FEZ2: variants seen among roughly 807,000 people sequenced by gnomAD.
FEZ2 encodes fasciculation and elongation protein zeta-2.
A neutral mutation model predicts 40.4 loss-of-function variants in FEZ2; 51 were observed. That is an observed-to-expected ratio of 1.26 (90% CI 1.01 to 1.59). The LOEUF is 1.59. FEZ2 is among the 40% of genes most tolerant of loss of function. FEZ2 has a pLI of 0.00. For missense variants in FEZ2, 640 were observed against 438.3 expected (o/e 1.46, Z -4.11); for synonymous variants, 242 against 172.0 (o/e 1.41, Z -3.18).
chr2:36,581,147 T>TCAACAA (rs60717240), intron 4 of FEZ2, 143 bp downstream of exon 4: 1 of 829,692 alleles, frequency 1.2e-6, no homozygotes, highest in East Asian at 2.6e-5. Context: ...AAATCCCGTC[T>TCAACAA]CAACAACAAC....
At chr2:36,560,902 A>G in intron 5 of FEZ2, 1 of 1,341,336 alleles carries the variant, frequency 7.5e-7, no homozygotes, top group Non-Finnish European at 1.1e-6. Flanking sequence ...AGAAAAGGAC[A>G]GAGAAAGAAG....
At chr2:36,587,843 G>A (rs1031698939) in intron 2 of FEZ2, among the ~76,000 whole-genome samples, 1 of 151,998 alleles carries the variant, frequency 6.6e-6, no homozygotes, top group African/African-American at 2.4e-5. Context: ...ATGACGTGAT[G>A]ACTTCTTACA....
intron 2 of FEZ2, among the ~76,000 whole-genome samples, chr2:36,589,421 G>C (rs1359721930): frequency 3.9e-5 from 6 of 152,222 alleles, no homozygotes; most frequent in African/African-American, 1.4e-4. Context: ...CCATCTGTCA[G>C]AGATGCTGGA....
intron 5 of FEZ2, 153 bp from the exon 6 acceptor site, chr2:36,558,666 T>C: frequency 4.6e-6 from 2 of 437,534 alleles, no homozygotes; most frequent in East Asian, 6.8e-5. Context: ...TAAAGTTATC[T>C]TACTATCTCA....
intron 5 of FEZ2, among the ~76,000 whole-genome samples, chr2:36,562,899 C>T (rs1668129373): frequency 6.6e-6 from 1 of 152,070 alleles, no homozygotes; most frequent in Non-Finnish European, 1.5e-5. Flanking sequence ...TATTACCTGG[C>T]TCCATTATCT....
intron 1 of FEZ2, among the ~76,000 whole-genome samples, chr2:36,592,984 A>G (rs1669113057): frequency 1.3e-5 from 2 of 152,206 alleles, no homozygotes; most frequent in Admixed American, 1.3e-4. Flanking sequence ...GTAGAATTAG[A>G]GGCAATGTCT....
intron 5 of FEZ2, among the ~76,000 whole-genome samples, chr2:36,573,001 T>C (rs1000531578): frequency 1.3e-5 from 2 of 152,226 alleles, no homozygotes; most frequent in African/African-American, 4.8e-5. Flanking sequence ...TTTTCTTTTC[T>C]CTACTACCGT....
intron 6 of FEZ2, chr2:36,556,838 T>A (rs552915361): frequency 6.6e-6 from 1 of 152,324 alleles, no homozygotes; most frequent in East Asian, 1.9e-4. Context: ...CAAAATCCCC[T>A]AATAGCTTTT....
At chr2:36,581,224 GATCATACTA>G in intron 4 of FEZ2, 57 bp downstream of exon 4, 1 of 1,394,268 alleles carries the variant, frequency 7.2e-7, no homozygotes, top group Non-Finnish European at 1.0e-6. Context: ...TTCTGGAGAT[GATCATACTA>G]TACATTTGAT....
At chr2:36,578,922 A>C (rs1384718543) in intron 4 of FEZ2, 57 bp from the exon 5 acceptor site, 2 of 1,461,500 alleles carry the variant, frequency 1.4e-6, no homozygotes, top group African/African-American at 1.4e-5. Flanking sequence ...CAAGGAAGCA[A>C]AACAGAGTAG....
intron 7 of FEZ2, among the ~76,000 whole-genome samples, chr2:36,554,552 A>C (rs1042350050): frequency 6.6e-6 from 1 of 152,186 alleles, no homozygotes. Flanking sequence ...GATGTCAGGT[A>C]TTAAAAAAAA....
chr2:36,558,518 C>G lies in FEZ2; in HGVS notation c.904-5G>C, dbSNP rs1403271229. The G allele has an allele frequency of 6.1e-6, 9 of 1,473,536 alleles. No homozygotes were observed. In the East Asian group the frequency reaches 2.3e-4, roughly 37 times the overall value. 91.3% of individuals were successfully genotyped at this position (1,473,536 alleles called of 1,614,324 possible). The stretch of plus-strand genomic sequence containing the variant: ...AGGAATGACTGTAGTCAAATACTGC[C>G]AAGTTTAAAAAAAAAAAGTGTCACT... On this transcript the variant is annotated splice_region_variant and splice_polypyrimidine_tract_variant and intron_variant, in intron 5 of 7. Coordinates refer to ENST00000405912, the MANE Select transcript of FEZ2 (RefSeq NM_005102.3).
At chr2:36,597,158 G>T (rs1573038204) in intron 1 of FEZ2, among the ~76,000 whole-genome samples, 1 of 151,978 alleles carries the variant, frequency 6.6e-6, no homozygotes, top group East Asian at 1.9e-4. Flanking sequence ...TCCCGGGTGG[G>T]TCCCACAGAT....
intron 5 of FEZ2, 35 bp from the exon 6 acceptor site, chr2:36,558,548 T>C (rs1226851705): frequency 7.5e-7 from 1 of 1,338,852 alleles, no homozygotes; most frequent in Admixed American, 2.5e-5. Context: ...GTCACTTAAA[T>C]CGGAATTACC....
chr2:36,569,050 T>C (rs1668333790), intron 5 of FEZ2, among the ~76,000 whole-genome samples: 1 of 152,126 alleles, frequency 6.6e-6, no homozygotes. Flanking sequence ...TAACTCCACA[T>C]CCTCATTCCA....
intron 5 of FEZ2, among the ~76,000 whole-genome samples, chr2:36,572,276 C>CT (rs1668440949): frequency 6.6e-6 from 1 of 152,142 alleles, no homozygotes; most frequent in Admixed American, 6.6e-5. Context: ...TGGAGATTGG[C>CT]TGGCCAAGGT....
intron 2 of FEZ2, chr2:36,590,128 G>C (rs536203604): frequency 6.6e-6 from 1 of 152,248 alleles, no homozygotes; most frequent in Non-Finnish European, 1.5e-5. Context: ...ACAATACCAG[G>C]ATGTACACAG....
chr2:36,578,574 G>A (rs375690434), intron 5 of FEZ2, 23 bp downstream of exon 5: 170 of 1,598,810 alleles, frequency 1.1e-4, no homozygotes, highest in African/African-American at 4.1e-4. Context: ...AGTGTTCGAC[G>A]CCTCCTGCAA....
At chr2:36,560,919 G>T in intron 5 of FEZ2, 1 of 1,144,816 alleles carries the variant, frequency 8.7e-7, no homozygotes, top group Non-Finnish European at 1.3e-6. Context: ...GAAGTTCAAA[G>T]TCTATTAGTA....
Sources: allele counts gnomAD v4.1 joint callset (sites outside exome capture counted in the v4.1 genomes callset), GRCh38; gene constraint gnomAD v4.1.1; transcripts MANE v1.5; gene names NCBI Gene and HGNC (gene_info 2026-07-23, HGNC 2026-07-21).